CPB1: variants seen among roughly 807,000 people sequenced by gnomAD.
The protein encoded by CPB1 is carboxypeptidase B1.
CPB1 carries 53 observed loss-of-function variants against 51.4 expected under a neutral mutation model. The observed-to-expected ratio is 1.03, with a 90% confidence interval of 0.83 to 1.30. The LOEUF (loss-of-function observed/expected upper bound fraction) is 1.30, where lower values mean the gene tolerates loss of function less well. Among genes scored for constraint, CPB1 ranks in the 50% most tolerant of loss-of-function variants. CPB1 has a pLI of 0.00. For synonymous variants in CPB1, 189 were observed against 186.9 expected, an observed-to-expected ratio of 1.01 and a Z score of -0.09; for missense variants, 494 against 516.2, an observed-to-expected ratio of 0.96 and a Z score of 0.42.
Position 148,843,645 on chromosome 3 carries a change from A to G in CPB1, c.577-833A>G, listed in dbSNP as rs1713153586. Among the ~76,000 whole-genome samples the G allele has an allele frequency of 2.0e-5, 3 of 152,272 alleles. 1 individual carries two copies. In the South Asian group the frequency reaches 6.2e-4, roughly 32 times the overall value. ...GTAATATTGTAATTAATTTATATAT[A>G]TAATTACAAACAGTATATAAAAACT... On this transcript the variant is annotated intron_variant, in intron 6 of 10. Coordinates refer to ENST00000282957, the MANE Select transcript of CPB1 (RefSeq NM_001871.3).
chr3:148,841,127 TC>T lies in CPB1; in HGVS notation c.474+153del, dbSNP rs1232817152. On this transcript the variant is annotated intron_variant, in intron 5 of 10. Coordinates refer to ENST00000282957, the MANE Select transcript of CPB1 (RefSeq NM_001871.3). ...CCCGAGGGAACCAGATTCCCCAGCTTCTTTTATCATATGTGGATTTTTAAAT... is the reference window on the plus strand; with the variant it reads ...CCCGAGGGAACCAGATTCCCCAGCTTTTTTATCATATGTGGATTTTTAAAT... 11 of 583,768 alleles carry T rather than the reference TC, an allele frequency of 1.9e-5. No individual in the cohort carries two copies. In the East Asian group the frequency reaches 3.1e-4, roughly 16 times the overall value. The allele number at this position is 583,768 out of a possible 1,614,324, so 36.2% of individuals were successfully genotyped here. A position where few individuals can be genotyped will look rare whatever the true frequency, so the allele number is the denominator to read the frequency against.
At chr3:148,828,562 AAG>A (rs1328151392) in intron 2 of CPB1, among the ~76,000 whole-genome samples, 1 of 152,148 alleles carries the variant, frequency 6.6e-6, no homozygotes, top group East Asian at 1.9e-4. Context: ...GAGGGGGAAA[AAG>A]AGGGTAAAAA....
intron 3 of CPB1, among the ~76,000 whole-genome samples, chr3:148,835,895 T>C (rs570629050): frequency 3.9e-5 from 6 of 152,098 alleles, no homozygotes; most frequent in Non-Finnish European, 8.8e-5. Context: ...TCAGGAGAAG[T>C]GGGTAGCATA....
At chr3:148,844,406 C>G (rs1056940083) in intron 6 of CPB1, 72 bp from the exon 7 acceptor site, 35 of 1,084,466 alleles carry the variant, frequency 3.2e-5, no homozygotes, top group Non-Finnish European at 4.5e-5. Flanking sequence ...TAACATTCAA[C>G]AGTCTTTGTA....
intron 9 of CPB1, among the ~76,000 whole-genome samples, chr3:148,852,803 A>T (rs1266729980): frequency 2.0e-5 from 3 of 152,232 alleles, no homozygotes; most frequent in Non-Finnish European, 2.9e-5. Context: ...GGTTTTCATC[A>T]GTGAAAGCGT....
In CPB1 at chr3:148,839,759, T is replaced by A. The variant is rs78439042; in HGVS notation, c.273-927T>A. ...GACTTTTGATGTGTGTCTGAAATTC[T>A]CTGTATGTCAGATAAAATCATTTCA... On this transcript the variant is annotated intron_variant, in intron 3 of 10. Coordinates refer to ENST00000282957, the MANE Select transcript of CPB1 (RefSeq NM_001871.3). Among the ~76,000 whole-genome samples the A allele has an allele frequency of 6.7e-3, 1,019 of 152,308 alleles. 12 individuals are homozygous for A. The highest frequency in any genetic ancestry group is 0.023 in the African/African-American group (975 of 41,566).
chr3:148,857,378 C>A, intron 9 of CPB1, 79 bp from the exon 10 acceptor site: 1 of 1,066,624 alleles, frequency 9.4e-7, no homozygotes, highest in Non-Finnish European at 1.4e-6. Context: ...GCTTTGAATG[C>A]CTTAAAAATA....
chr3:148,848,049 A>G (rs1171845071), intron 9 of CPB1, among the ~76,000 whole-genome samples: 1 of 152,136 alleles, frequency 6.6e-6, no homozygotes, highest in African/African-American at 2.4e-5. Flanking sequence ...TTAGTTTAGC[A>G]CGCCAAAGCA....
At position 148,834,482 on chromosome 3, in the gene CPB1, C is replaced by T; in HGVS notation, c.148-16C>T. 6.2e-7 allele frequency: 1 copy of T among 1,611,028 alleles called. No homozygotes were observed. The highest frequency in any genetic ancestry group is 1.3e-5 in the African/African-American group (1 of 74,978). Reference sequence around the variant, plus strand: ...ATTGAATTATAGGTATCCAATATATCTTGTCCTTTATTCAGATTGACTTCT... The same window carrying T: ...ATTGAATTATAGGTATCCAATATATTTTGTCCTTTATTCAGATTGACTTCT... On this transcript the variant is annotated splice_polypyrimidine_tract_variant and intron_variant, in intron 2 of 10. Coordinates refer to ENST00000282957, the MANE Select transcript of CPB1 (RefSeq NM_001871.3).
chr3:148,848,130 T>A (rs1322641960), intron 9 of CPB1, among the ~76,000 whole-genome samples: 3 of 152,190 alleles, frequency 2.0e-5, no homozygotes, highest in African/African-American at 7.2e-5. Flanking sequence ...GTTTACTTAC[T>A]TCCAGAGCAC....
intron 6 of CPB1, among the ~76,000 whole-genome samples, chr3:148,843,721 G>A (rs767287451): frequency 6.6e-6 from 1 of 152,110 alleles, no homozygotes; most frequent in African/African-American, 2.4e-5. Context: ...AGCAAGCCTA[G>A]GGAAGGGTTG....
intron 3 of CPB1, among the ~76,000 whole-genome samples, chr3:148,835,750 T>A (rs1294842199): frequency 6.6e-6 from 1 of 152,178 alleles, no homozygotes; most frequent in Non-Finnish European, 1.5e-5. Context: ...CAAGTCTTCA[T>A]TATGTTTTGG....
At chr3:148,857,882 GAGC>G (rs1259421172) in intron 10 of CPB1, among the ~76,000 whole-genome samples, 1 of 152,076 alleles carries the variant, frequency 6.6e-6, no homozygotes. Flanking sequence ...CCGGGTGACA[GAGC>G]AGGACCCTAT....
At chr3:148,853,615 G>A (rs891939033) in intron 9 of CPB1, among the ~76,000 whole-genome samples, 11 of 152,192 alleles carry the variant, frequency 7.2e-5, no homozygotes, top group African/African-American at 2.7e-4. Flanking sequence ...GGCTGACCAT[G>A]TTTGGCCTTG....
At chr3:148,829,627 T>C (rs1278595106) in intron 2 of CPB1, among the ~76,000 whole-genome samples, 4 of 152,200 alleles carry the variant, frequency 2.6e-5, no homozygotes, top group African/African-American at 9.6e-5. Flanking sequence ...AGAAAACTAA[T>C]TCAGTCATCC....
chr3:148,846,776 T>G (rs1325583193), intron 9 of CPB1, among the ~76,000 whole-genome samples: 1 of 70,616 alleles, frequency 1.4e-5, no homozygotes, highest in East Asian at 3.8e-4. Flanking sequence ...TATATACACA[T>G]ATATATGTGT....
intron 2 of CPB1, among the ~76,000 whole-genome samples, chr3:148,831,867 T>G (rs1212826706): frequency 6.6e-6 from 1 of 152,222 alleles, no homozygotes; most frequent in Non-Finnish European, 1.5e-5. Flanking sequence ...TTTATCACCT[T>G]ATGTTATTAC....
intron 6 of CPB1, 67 bp from the exon 7 acceptor site, chr3:148,844,411 T>C (rs1296030373): frequency 1.7e-6 from 2 of 1,164,474 alleles, no homozygotes; most frequent in Non-Finnish European, 2.5e-6. Flanking sequence ...TTCAACAGTC[T>C]TTGTAAATTT....
At chr3:148,838,850 CTT>C (rs1233919604) in intron 3 of CPB1, among the ~76,000 whole-genome samples, 2 of 152,170 alleles carry the variant, frequency 1.3e-5, no homozygotes, top group Admixed American at 6.5e-5. Flanking sequence ...TGACCTTGAT[CTT>C]TTGATTCCTC....
Sources: gnomAD v4.1 joint callset for allele counts (sites outside exome capture counted in the v4.1 genomes callset) on GRCh38, gnomAD v4.1.1 for gene constraint, MANE v1.5 for transcripts, NCBI Gene and HGNC (gene_info 2026-07-23, HGNC 2026-07-21) for gene names.